ST6GAL1: variants seen among roughly 807,000 people sequenced by gnomAD.
ST6GAL1 encodes the protein beta-galactoside alpha-2,6-sialyltransferase 1.
ST6GAL1 carries 20 observed loss-of-function variants against 38.0 expected under a neutral mutation model. That is an observed-to-expected ratio of 0.53 (90% confidence interval 0.37 to 0.77). The LOEUF (loss-of-function observed/expected upper bound fraction) is 0.77. Among genes scored for constraint, ST6GAL1 ranks in the 30% least tolerant of loss-of-function variants. The pLI is 0.00. For missense variants in ST6GAL1, 432 were observed against 496.4 expected (o/e 0.87, Z 1.23); for synonymous variants, 196 against 188.2 (o/e 1.04, Z -0.34).
At chr3:187,041,974 A>G (rs1718136841) in intron 3 of ST6GAL1, 1 of 152,082 alleles carries the variant, frequency 6.6e-6, no homozygotes, top group Admixed American at 6.5e-5. Flanking sequence ...GAGGTGAGTC[A>G]GCTTCCTGTC....
chr3:186,967,044 C>T (rs1320914298), intron 2 of ST6GAL1, among the ~76,000 whole-genome samples: 4 of 152,174 alleles, frequency 2.6e-5, no homozygotes, highest in Non-Finnish European at 4.4e-5. Flanking sequence ...GAGGAGCTTC[C>T]ATACTTCAAG....
At chr3:187,073,888 G>C (rs1719470609) in intron 6 of ST6GAL1, 1 of 320,516 alleles carries the variant, frequency 3.1e-6, no homozygotes, top group East Asian at 5.4e-5. Context: ...AGTGTTCCCG[G>C]ACTCTGATCC....
At chr3:186,947,148 A>G (rs778409138) in intron 1 of ST6GAL1, among the ~76,000 whole-genome samples, 21 of 152,138 alleles carry the variant, frequency 1.4e-4, no homozygotes, top group Non-Finnish European at 1.3e-4. Flanking sequence ...GGCTGCTGTT[A>G]ATACAGTGTG....
At chr3:187,012,321 G>C (rs192812281) in intron 2 of ST6GAL1, among the ~76,000 whole-genome samples, 1 of 151,580 alleles carries the variant, frequency 6.6e-6, no homozygotes, top group Non-Finnish European at 1.5e-5. Flanking sequence ...GCAGTGGCAC[G>C]ATCTCGGCTC....
intron 2 of ST6GAL1, among the ~76,000 whole-genome samples, chr3:186,978,184 C>T (rs1344451653): frequency 1.3e-5 from 2 of 152,052 alleles, no homozygotes; most frequent in African/African-American, 4.8e-5. Context: ...GCACTCCAGC[C>T]TGGGTGACAG....
intron 2 of ST6GAL1, among the ~76,000 whole-genome samples, chr3:186,964,881 C>G (rs1715053716): frequency 6.6e-6 from 1 of 152,162 alleles, no homozygotes; most frequent in African/African-American, 2.4e-5. Context: ...CCTTCATTTC[C>G]TCACCTGTGA....
At chr3:186,979,448 T>C (rs563868659) in intron 2 of ST6GAL1, among the ~76,000 whole-genome samples, 2 of 152,274 alleles carry the variant, frequency 1.3e-5, no homozygotes, top group Admixed American at 1.3e-4. Flanking sequence ...CCTGATCTGC[T>C]TCCCAAGAGA....
intron 2 of ST6GAL1, among the ~76,000 whole-genome samples, chr3:187,005,273 T>C (rs1413928987): frequency 2.3e-5 from 3 of 129,330 alleles, no homozygotes; most frequent in African/African-American, 3.2e-5. Context: ...CTTTTTCTTT[T>C]TTTTTTTTTT....
At chr3:186,939,083 TTC>T (rs1714069899) in intron 1 of ST6GAL1, among the ~76,000 whole-genome samples, 1 of 150,406 alleles carries the variant, frequency 6.6e-6, no homozygotes, top group Non-Finnish European at 1.5e-5. Context: ...TTTTTTTTTT[TTC>T]TTTTTTGAGA....
At chr3:186,974,651 T>TTTTGTTTTATG (rs1715461103) in intron 2 of ST6GAL1, among the ~76,000 whole-genome samples, 1 of 151,400 alleles carries the variant, frequency 6.6e-6, no homozygotes, top group African/African-American at 2.4e-5. Flanking sequence ...TTTTATGGGA[T>TTTTGTTTTATG]TAGTTCTGTG....
intron 1 of ST6GAL1, among the ~76,000 whole-genome samples, chr3:186,962,066 C>T (rs1470358769): frequency 6.6e-6 from 1 of 152,174 alleles, no homozygotes; most frequent in African/African-American, 2.4e-5. Flanking sequence ...GCAAAGTGCC[C>T]GAAGCCTCAA....
At chr3:187,066,111 A>G (rs2108598591) in intron 5 of ST6GAL1, among the ~76,000 whole-genome samples, 1 of 152,316 alleles carries the variant, frequency 6.6e-6, no homozygotes, top group African/African-American at 2.4e-5. Context: ...TTCCATCAAC[A>G]ACGGGTCTAA....
At chr3:187,023,038 G>A (rs1367736158) in intron 2 of ST6GAL1, among the ~76,000 whole-genome samples, 1 of 152,164 alleles carries the variant, frequency 6.6e-6, no homozygotes, top group Non-Finnish European at 1.5e-5. Context: ...AAAGGGAGGG[G>A]TATGATGAGG....
chr3:186,948,483 G>A (rs1714455731), intron 1 of ST6GAL1, among the ~76,000 whole-genome samples: 1 of 151,926 alleles, frequency 6.6e-6, no homozygotes, highest in African/African-American at 2.4e-5. Context: ...ATGGTTGTAG[G>A]GTGTGGGCTG....
intron 1 of ST6GAL1, among the ~76,000 whole-genome samples, chr3:186,954,134 A>G (rs565096826): frequency 6.6e-6 from 1 of 152,258 alleles, no homozygotes; most frequent in Non-Finnish European, 1.5e-5. Flanking sequence ...TTCCAGCTCC[A>G]TCCATGTCCC....
At chr3:187,002,872 C>A (rs539571269) in intron 2 of ST6GAL1, among the ~76,000 whole-genome samples, 1 of 152,050 alleles carries the variant, frequency 6.6e-6, no homozygotes, top group South Asian at 2.1e-4. Context: ...ATACTATTTA[C>A]GGTAGCAAAA....
At chr3:186,941,415 G>A (rs1714167871) in intron 1 of ST6GAL1, among the ~76,000 whole-genome samples, 1 of 152,138 alleles carries the variant, frequency 6.6e-6, no homozygotes, top group African/African-American at 2.4e-5. Flanking sequence ...CCCAGAAATT[G>A]GCTACTTGGA....
In ST6GAL1 at chr3:186,970,641, A is replaced by G. The variant is rs193264104; in HGVS notation, c.-183+6715A>G. ...TGCCTTTGGAGAATATTCTCTAAAT[A>G]GGATCATACAATATACAACCTTTTG... On this transcript the variant is annotated intron_variant, in intron 2 of 7. Coordinates refer to ENST00000169298, the MANE Select transcript of ST6GAL1 (RefSeq NM_173216.2). Among the ~76,000 whole-genome samples the G allele has an allele frequency of 3.3e-4, 51 of 152,250 alleles. No individual in the cohort carries two copies. The East Asian group carries it at 9.5e-3, about 28-fold the overall frequency.
chr3:187,039,423 G>A (rs1330689973), intron 3 of ST6GAL1, among the ~76,000 whole-genome samples: 3 of 152,188 alleles, frequency 2.0e-5, no homozygotes, highest in Admixed American at 2.0e-4. Flanking sequence ...AGTTTTCCTT[G>A]AGCAGCAAAG....
Sources: gnomAD v4.1 joint callset for allele counts (sites outside exome capture counted in the v4.1 genomes callset) on GRCh38, gnomAD v4.1.1 for gene constraint, MANE v1.5 for transcripts, NCBI Gene and HGNC (gene_info 2026-07-23, HGNC 2026-07-21) for gene names.